The following OGA variants were observed in gnomAD, a reference collection of about 807,000 sequenced individuals.
OGA encodes the protein protein O-GlcNAcase.
OGA carries 21 observed loss-of-function variants against 102.0 expected under a neutral mutation model. That is an observed-to-expected ratio of 0.21 (90% confidence interval 0.15 to 0.30). The LOEUF (loss-of-function observed/expected upper bound fraction) is 0.30. OGA is among the 10% of genes least tolerant of loss of function. The pLI is 1.00. For missense variants in OGA, 765 were observed against 1,107.8 expected (o/e 0.69, Z 4.39); for synonymous variants, 408 against 378.2 (o/e 1.08, Z -0.91).
intron 4 of OGA, 79 bp downstream of exon 4, chr10:101,810,105 T>C: frequency 2.3e-6 from 3 of 1,307,040 alleles, no homozygotes; most frequent in Non-Finnish European, 3.2e-6. Context: ...GATTTCCTTT[T>C]AACATCGTAA....
chr10:101,796,634 G>C (rs1475606797), intron 10 of OGA, among the ~76,000 whole-genome samples: 1 of 151,408 alleles, frequency 6.6e-6, no homozygotes, highest in Non-Finnish European at 1.5e-5. Context: ...GCAATGGTGT[G>C]ATCTCAGCTC....
At chr10:101,804,574 C>T (rs2065441887) in intron 6 of OGA, among the ~76,000 whole-genome samples, 1 of 151,792 alleles carries the variant, frequency 6.6e-6, no homozygotes, top group Admixed American at 6.6e-5. Context: ...CGCCTGGCCC[C>T]TTACATGTAC....
At chr10:101,814,774 G>A (rs7896302) in intron 1 of OGA, among the ~76,000 whole-genome samples, 1,619 of 152,260 alleles carry the variant, frequency 0.011, 25 homozygotes, top group African/African-American at 0.035. Flanking sequence ...AAACGGAAAG[G>A]AATAAACAAA....
intron 5 of OGA, among the ~76,000 whole-genome samples, chr10:101,807,148 G>A (rs1005419104): frequency 2.0e-5 from 3 of 152,086 alleles, no homozygotes; most frequent in African/African-American, 7.2e-5. Flanking sequence ...CACAAAGAAA[G>A]TTAAATAATT....
intron 5 of OGA, among the ~76,000 whole-genome samples, chr10:101,806,472 C>A (rs2065476394): frequency 1.3e-5 from 2 of 152,182 alleles, no homozygotes; most frequent in Admixed American, 6.5e-5. Flanking sequence ...TCCCAAAAGG[C>A]CCATGGGTTT....
At chr10:101,802,979 A>T (rs1488530024) in intron 7 of OGA, among the ~76,000 whole-genome samples, 6 of 113,988 alleles carry the variant, frequency 5.3e-5, no homozygotes, top group Middle Eastern at 4.6e-3. Context: ...TCTCTACTTT[A>T]AAAAAAAAAA....
intron 1 of OGA, among the ~76,000 whole-genome samples, chr10:101,813,814 A>C (rs2065587686): frequency 6.6e-6 from 1 of 152,182 alleles, no homozygotes; most frequent in Non-Finnish European, 1.5e-5. Context: ...ATTTTTGCTT[A>C]GGTAATTTTT....
At chr10:101,788,819 G>A (rs1474780065) in intron 14 of OGA, among the ~76,000 whole-genome samples, 4 of 152,104 alleles carry the variant, frequency 2.6e-5, no homozygotes, top group African/African-American at 7.2e-5. Context: ...AAAAACTGGT[G>A]AATAAAGTTT....
At chr10:101,812,514 T>A (rs1453393687) in intron 3 of OGA, among the ~76,000 whole-genome samples, 1 of 152,252 alleles carries the variant, frequency 6.6e-6, no homozygotes, top group Non-Finnish European at 1.5e-5. Context: ...GGCCAAGCCA[T>A]ACTAGAGCCT....
chr10:101,790,828 A>T, intron 14 of OGA, 68 bp downstream of exon 14: 1 of 1,178,054 alleles, frequency 8.5e-7, no homozygotes, highest in Non-Finnish European at 1.2e-6. Flanking sequence ...TAAGTACTTT[A>T]ATAAAAAATA....
intron 10 of OGA, chr10:101,797,394 G>A (rs2065329593): frequency 6.6e-6 from 1 of 152,370 alleles, no homozygotes; most frequent in East Asian, 1.9e-4. Flanking sequence ...TAATGTAGCA[G>A]AGATGTTTAG....
intron 6 of OGA, 28 bp downstream of exon 6, chr10:101,806,017 T>G (rs1448790029): frequency 6.9e-7 from 1 of 1,457,928 alleles, no homozygotes; most frequent in Admixed American, 1.7e-5. Context: ...TAATTCAACT[T>G]TGACTGTATA....
At chr10:101,795,808 AAAAAAAT>A (rs2065307325) in intron 10 of OGA, 3 of 748,850 alleles carry the variant, frequency 4.0e-6, no homozygotes, top group African/African-American at 1.9e-5. Flanking sequence ...GATGAGCTTA[AAAAAAAT>A]AAAAAATAAA....
chr10:101,817,789 T>C (rs1179187961), intron 1 of OGA, 35 bp downstream of exon 1: 2 of 1,534,518 alleles, frequency 1.3e-6, no homozygotes, highest in Admixed American at 2.0e-5. Flanking sequence ...CAGAACGTGT[T>C]AGTGCCAAAA....
rs1210079243 is a variant in OGA, at chr10:101,785,531, T to A, written c.*920A>T. On this transcript the variant is annotated 3_prime_UTR_variant, in exon 16 of 16. Coordinates refer to ENST00000361464, the MANE Select transcript of OGA (RefSeq NM_012215.5). ...TAACTGCACTTTTCAACAGATTAAG[T>A]CCTACAAAATTAGGCTCTCGTACCC... 6.6e-6 allele frequency: 1 copy of A among 152,624 alleles called. No homozygotes were observed. The highest frequency in any genetic ancestry group is 1.5e-5 in the Non-Finnish European group (1 of 68,044). The allele number at this position is 152,624 out of a possible 1,614,324, so 9.5% of individuals were successfully genotyped here. A position where few individuals can be genotyped will look rare whatever the true frequency, so the allele number is the denominator to read the frequency against.
Position 101,805,304 on chromosome 10 carries a change from T to C in OGA, c.751+741A>G, listed in dbSNP as rs118192071. 4.9e-3 allele frequency among the ~76,000 whole-genome samples: 753 copies of C among 152,234 alleles called. 21 individuals carry two copies. The East Asian group carries it at 0.083, about 17-fold the overall frequency. ...CCCCACTCAGGCTCCCCAACCATGA[T>C]AGATGTTTTTTCATATTAAGAGAAT... is the stretch of plus-strand genomic sequence containing the variant. On this transcript the variant is annotated intron_variant, in intron 6 of 15. Coordinates refer to ENST00000361464, the MANE Select transcript of OGA (RefSeq NM_012215.5).
rs1329324864 is a variant in OGA at position 101,785,424 on chromosome 10, CCAAT to C, written c.*1023_*1026del. ...ACAACTGACCTGAGGGCAAATGGGA[CCAAT>C]CAGTCCCTGAACCCTACCTGACATG... On this transcript the variant is annotated 3_prime_UTR_variant, in exon 16 of 16. Transcript: ENST00000361464. The C allele has an allele frequency of 6.6e-6, 1 of 152,572 alleles. No individual in the cohort carries two copies. The highest frequency in any genetic ancestry group is 1.5e-5 in the Non-Finnish European group (1 of 68,036). 9.5% of individuals were successfully genotyped at this position (152,572 alleles called of 1,614,324 possible).
chr10:101,796,777 T>C (rs2065322453), intron 10 of OGA, among the ~76,000 whole-genome samples: 1 of 152,064 alleles, frequency 6.6e-6, no homozygotes, highest in East Asian at 1.9e-4. Flanking sequence ...TTCACCATGC[T>C]GGTCTCATGC....
At chr10:101,806,242 GC>G in intron 5 of OGA, 99 bp from the exon 6 acceptor site, 1 of 715,236 alleles carries the variant, frequency 1.4e-6, no homozygotes, top group Non-Finnish European at 2.4e-6. Flanking sequence ...CACTCTTGAT[GC>G]CCAGGCTAGA....
Sources: allele counts gnomAD v4.1 joint callset (sites outside exome capture counted in the v4.1 genomes callset), GRCh38; gene constraint gnomAD v4.1.1; transcripts MANE v1.5; gene names NCBI Gene and HGNC (gene_info 2026-07-23, HGNC 2026-07-21).